Variants in STPG1 observed in about 807,000 individuals in gnomAD.
STPG1 encodes the protein sperm tail PG-rich repeat containing 1, also known as O(6)-methylguanine-induced apoptosis 2.
A neutral mutation model predicts 40.1 loss-of-function variants in STPG1; 33 were observed. The ratio of observed to expected loss-of-function variants is 0.82; its 90% CI spans 0.62 to 1.10. The LOEUF (loss-of-function observed/expected upper bound fraction) is 1.10. Ranked by LOEUF, STPG1 falls within the 50% of genes least tolerant of loss-of-function variation. The probability of loss-of-function intolerance (pLI) is 0.00; values close to 1 mark genes in which losing one functional copy is unlikely to be tolerated. For missense variants in STPG1, 396 were observed against 415.1 expected, an observed-to-expected ratio of 0.95 and a Z score of 0.40; for synonymous variants, 150 against 155.0, an observed-to-expected ratio of 0.97 and a Z score of 0.24.
In STPG1 at chr1:24,358,424, G is replaced by A; in HGVS notation, c.*119C>T. The A allele has an allele frequency of 1.2e-6, 1 of 864,612 alleles. No homozygotes were observed. The highest frequency in any genetic ancestry group is 2.0e-6 in the Non-Finnish European group (1 of 500,342). 53.6% of individuals were successfully genotyped at this position (864,612 alleles called of 1,614,324 possible). The stretch of plus-strand genomic sequence containing the variant: ...TAGGATGCCAGGCCAGAGTGGTAGA[G>A]CCACCCCCCAAGTTGTCAGCTGCCA... On this transcript the variant is annotated 3_prime_UTR_variant, in exon 9 of 9. Transcript: ENST00000337248.
At chr1:24,391,738 G>A in intron 2 of STPG1, 59 bp from the exon 3 acceptor site, 1 of 1,358,528 alleles carries the variant, frequency 7.4e-7, no homozygotes, top group Non-Finnish European at 1.0e-6. Flanking sequence ...TGACAAATGT[G>A]GAAAACACAA....
chr1:24,393,918 G>A (rs115752691), intron 2 of STPG1, among the ~76,000 whole-genome samples: 1 of 152,320 alleles, frequency 6.6e-6, no homozygotes, highest in South Asian at 2.1e-4. Flanking sequence ...GATCCAGATG[G>A]AGCCCCGTGG....
intron 2 of STPG1, chr1:24,401,094 T>G: frequency 2.3e-6 from 1 of 442,142 alleles, no homozygotes; most frequent in East Asian, 3.3e-5. Flanking sequence ...TTTATTAGTT[T>G]TTTATTTTTT....
chr1:24,371,397 G>A (rs1425698299), intron 6 of STPG1, among the ~76,000 whole-genome samples: 2 of 152,074 alleles, frequency 1.3e-5, no homozygotes, highest in Non-Finnish European at 1.5e-5. Context: ...AGACCAGCCT[G>A]ACCAATATGG....
intron 5 of STPG1, among the ~76,000 whole-genome samples, chr1:24,375,822 G>A (rs752779054): frequency 2.0e-5 from 3 of 152,162 alleles, no homozygotes; most frequent in Non-Finnish European, 4.4e-5. Flanking sequence ...GAGCATTTTT[G>A]TATACGCTGA....
rs146484450 is a variant in STPG1, at chr1:24,379,284, C to G, written c.462+369G>C. On this transcript the variant is annotated intron_variant, in intron 5 of 8. Coordinates refer to ENST00000337248, the MANE Select transcript of STPG1 (RefSeq NM_001199013.2). ...TTTCTGATATGAAAGTTTATTTTCC[C>G]TAGAAGAACCTAAAAAGTAAATCAT... 1.0e-3 allele frequency: 206 copies of G among 196,844 alleles called. 2 individuals are homozygous for G. The highest frequency in any genetic ancestry group is 4.5e-3 in the African/African-American group (190 of 42,658). The allele number at this position is 196,844 out of a possible 1,614,324, so 12.2% of individuals were successfully genotyped here.
intron 7 of STPG1, chr1:24,364,148 C>T: frequency 6.8e-7 from 1 of 1,474,082 alleles, no homozygotes; most frequent in South Asian, 1.4e-5. Context: ...TCCCTGCAAA[C>T]TCGAATTCAA....
At chr1:24,383,122 G>A (rs976094320) in intron 4 of STPG1, among the ~76,000 whole-genome samples, 2 of 151,870 alleles carry the variant, frequency 1.3e-5, no homozygotes, top group East Asian at 1.9e-4. Flanking sequence ...TATGTTGCCC[G>A]AGCTGGTCTT....
intron 7 of STPG1, among the ~76,000 whole-genome samples, chr1:24,364,744 G>A (rs944874868): frequency 2.6e-5 from 4 of 152,192 alleles, no homozygotes; most frequent in African/African-American, 9.7e-5. Flanking sequence ...GCAGCCCACA[G>A]TGCATTGTGA....
intron 4 of STPG1, among the ~76,000 whole-genome samples, chr1:24,382,633 G>T (rs1173478814): frequency 6.6e-6 from 1 of 152,206 alleles, no homozygotes; most frequent in African/African-American, 2.4e-5. Context: ...CTGTTCTGTG[G>T]ACCTACTGAG....
intron 7 of STPG1, among the ~76,000 whole-genome samples, chr1:24,365,623 C>T (rs1430282954): frequency 6.6e-6 from 1 of 152,370 alleles, no homozygotes; most frequent in East Asian, 1.9e-4. Flanking sequence ...CCAAGCACAG[C>T]ATCCGCCCTG....
chr1:24,405,150 G>A (rs547051662), intron 1 of STPG1, among the ~76,000 whole-genome samples: 3 of 152,254 alleles, frequency 2.0e-5, no homozygotes, highest in African/African-American at 7.2e-5. Context: ...TAGAGACAGG[G>A]TTTCACCATG....
At chr1:24,389,022 C>T (rs1323058183) in intron 3 of STPG1, among the ~76,000 whole-genome samples, 1 of 152,160 alleles carries the variant, frequency 6.6e-6, no homozygotes, top group Non-Finnish European at 1.5e-5. Context: ...ATCCTTATTT[C>T]TAAAATGCTT....
chr1:24,378,885 GACTT>G (rs373292374), intron 5 of STPG1, among the ~76,000 whole-genome samples: 511 of 152,246 alleles, frequency 3.4e-3, no homozygotes, highest in African/African-American at 0.012. Flanking sequence ...TGGGGGCTGT[GACTT>G]ACTTACTTGC....
intron 7 of STPG1, among the ~76,000 whole-genome samples, chr1:24,363,765 G>C (rs1641275064): frequency 6.6e-6 from 1 of 152,176 alleles, no homozygotes; most frequent in East Asian, 1.9e-4. Flanking sequence ...AATCCATCCA[G>C]AAATCCAGAA....
intron 2 of STPG1, among the ~76,000 whole-genome samples, chr1:24,394,671 A>C (rs1416225145): frequency 6.6e-6 from 1 of 152,216 alleles, no homozygotes; most frequent in Non-Finnish European, 1.5e-5. Flanking sequence ...CAGATGTGAA[A>C]ACTAAATGTC....
intron 5 of STPG1, among the ~76,000 whole-genome samples, chr1:24,377,775 A>G (rs1249777514): frequency 6.6e-6 from 1 of 152,194 alleles, no homozygotes; most frequent in South Asian, 2.1e-4. Flanking sequence ...GGCTGGAATG[A>G]GGTGACTTTG....
In STPG1 at chr1:24,358,613, T is replaced by A. The variant is rs771996325; in HGVS notation, c.935A>T (p.Tyr312Phe). 6.2e-7 allele frequency: 1 copy of A among 1,613,104 alleles called. No individual in the cohort carries two copies. The highest frequency in any genetic ancestry group is 2.2e-5 in the East Asian group (1 of 44,862). ...CTGCTTTCCTGGAAGCTCTGGCTTGTACGTAGCTGTGAGGGGACAGAGAGG... is the reference window on the plus strand; with the variant it reads ...CTGCTTTCCTGGAAGCTCTGGCTTGAACGTAGCTGTGAGGGGACAGAGAGG... ...PQPGLPGPAT[Y>F]KPELPGKQSF... is the part of the protein sequence containing the mutation. The change falls in exon 9 of 9, where the codon TAC (tyrosine) becomes TTC (phenylalanine). Residue 312 changes from tyrosine (Y) to phenylalanine (F), a missense_variant. Physicochemically the swap from Tyr to Phe is conservative, Grantham distance 22. Transcript: ENST00000337248.
At chr1:24,373,957 G>A (rs1641882625) in intron 5 of STPG1, 147 bp from the exon 6 acceptor site, 9 of 609,438 alleles carry the variant, frequency 1.5e-5, no homozygotes, top group East Asian at 7.9e-5. Flanking sequence ...AGCTGTAAAC[G>A]TCACACTGGC....
Sources: gnomAD v4.1 joint callset for allele counts (sites outside exome capture counted in the v4.1 genomes callset) on GRCh38, gnomAD v4.1.1 for gene constraint, MANE v1.5 for transcripts, NCBI Gene and HGNC (gene_info 2026-07-23, HGNC 2026-07-21) for gene names.